The following KCNJ6 variants were observed in gnomAD, a reference collection of about 807,000 sequenced individuals.
KCNJ6 encodes the protein G protein-activated inward rectifier potassium channel 2.
KCNJ6 carries 9 observed loss-of-function variants against 34.2 expected under a neutral mutation model. The observed-to-expected ratio is 0.26, with a 90% CI of 0.16 to 0.46. The LOEUF (loss-of-function observed/expected upper bound fraction) is 0.46. Ranked by LOEUF, KCNJ6 falls within the 20% of genes least tolerant of loss-of-function variation. KCNJ6 has a pLI of 1.00. For missense variants in KCNJ6, 236 were observed against 531.3 expected, an observed-to-expected ratio of 0.44 and a Z score of 5.46; for synonymous variants, 196 against 207.1, an observed-to-expected ratio of 0.95 and a Z score of 0.46.
Position 37,691,737 on chromosome 21 carries a change from C to T in KCNJ6, c.946+22474G>A, listed in dbSNP as rs891495740. 2.6e-5 allele frequency among the ~76,000 whole-genome samples: 4 copies of T among 152,102 alleles called. No homozygotes were observed. The South Asian group carries it at 6.2e-4, about 24-fold the overall frequency. ...TAGTGAGACATGGTTGGAGGCCACT[C>T]GGCAGGGGTGGAATCTGTGTGAGTA... On this transcript the variant is annotated intron_variant, in intron 3 of 3. Coordinates refer to ENST00000609713, the MANE Select transcript of KCNJ6 (RefSeq NM_002240.5).
intron 3 of KCNJ6, among the ~76,000 whole-genome samples, chr21:37,678,066 T>C (rs994806215): frequency 2.6e-5 from 4 of 152,016 alleles, no homozygotes; most frequent in Admixed American, 2.0e-4. Context: ...TGCATTTGAG[T>C]GTTATGCACA....
At chr21:37,841,057 T>C (rs2055478273) in intron 1 of KCNJ6, among the ~76,000 whole-genome samples, 1 of 152,170 alleles carries the variant, frequency 6.6e-6, no homozygotes, top group South Asian at 2.1e-4. Flanking sequence ...TTTCCCCCCA[T>C]TGAAGCTTTC....
intron 3 of KCNJ6, among the ~76,000 whole-genome samples, chr21:37,662,756 C>A (rs2054495680): frequency 6.6e-6 from 1 of 152,202 alleles, no homozygotes; most frequent in Non-Finnish European, 1.5e-5. Flanking sequence ...TTCTCCACAT[C>A]CTCGCCAGCA....
chr21:37,910,881 A>T (rs2055864025), intron 1 of KCNJ6, among the ~76,000 whole-genome samples: 2 of 152,238 alleles, frequency 1.3e-5, no homozygotes, highest in South Asian at 4.1e-4. Flanking sequence ...TCAGATCTGA[A>T]TGACCATTTG....
chr21:37,874,329 C>T (rs1225765934), intron 1 of KCNJ6, among the ~76,000 whole-genome samples: 1 of 152,180 alleles, frequency 6.6e-6, no homozygotes, highest in Non-Finnish European at 1.5e-5. Flanking sequence ...TTGGGATGCC[C>T]CAGGGCTCAC....
chr21:37,843,331 C>T (rs1373396324), intron 1 of KCNJ6, among the ~76,000 whole-genome samples: 1 of 152,156 alleles, frequency 6.6e-6, no homozygotes, highest in East Asian at 1.9e-4. Flanking sequence ...ATGGAATCCT[C>T]TGACATTAAG....
Position 37,649,535 on chromosome 21 carries a change from G to A in KCNJ6, c.947-24051C>T, listed in dbSNP as rs1026615225. Among the ~76,000 whole-genome samples, 225 of 152,314 alleles carry A rather than the reference G, an allele frequency of 1.5e-3. 1 individual carries two copies. The highest frequency in any genetic ancestry group is 5.3e-3 in the African/African-American group (219 of 41,558). On this transcript the variant is annotated intron_variant, in intron 3 of 3. Transcript: ENST00000609713. ...TTTCTGTAGTGGGAGGCTGTGGGCA[G>A]GAGAGTTTGTTTGCAAGAGGCTGTC...
intron 1 of KCNJ6, among the ~76,000 whole-genome samples, chr21:37,844,595 T>C (rs1379238654): frequency 1.3e-5 from 2 of 151,956 alleles, no homozygotes; most frequent in Non-Finnish European, 2.9e-5. Context: ...GGTTCTTTCT[T>C]CTCCACTCAT....
chr21:37,862,140 T>C (rs2055597767), intron 1 of KCNJ6, among the ~76,000 whole-genome samples: 1 of 152,214 alleles, frequency 6.6e-6, no homozygotes, highest in Admixed American at 6.5e-5. Context: ...TCGCCAGTGG[T>C]TGGAATTCTT....
intron 2 of KCNJ6, among the ~76,000 whole-genome samples, chr21:37,721,966 G>T (rs535827563): frequency 3.3e-5 from 5 of 150,486 alleles, no homozygotes; most frequent in Non-Finnish European, 5.9e-5. Flanking sequence ...GCAAGGGAAA[G>T]AAATAAAGTA....
At chr21:37,819,273 T>C (rs1355841147) in intron 2 of KCNJ6, among the ~76,000 whole-genome samples, 1 of 152,192 alleles carries the variant, frequency 6.6e-6, no homozygotes, top group Non-Finnish European at 1.5e-5. Context: ...GATCAGATCA[T>C]GTGAGACAGA....
intron 1 of KCNJ6, among the ~76,000 whole-genome samples, chr21:37,868,712 G>A (rs2055635319): frequency 1.3e-5 from 2 of 152,232 alleles, no homozygotes; most frequent in Non-Finnish European, 1.5e-5. Flanking sequence ...GACAATCCCT[G>A]TGTAAATTCT....
intron 2 of KCNJ6, among the ~76,000 whole-genome samples, chr21:37,815,005 A>G (rs1006257769): frequency 1.3e-5 from 2 of 152,050 alleles, no homozygotes; most frequent in African/African-American, 4.8e-5. Flanking sequence ...AAGTGAAATA[A>G]GCCAGGCACA....
intron 2 of KCNJ6, among the ~76,000 whole-genome samples, chr21:37,796,330 A>G (rs1277526575): frequency 6.6e-6 from 1 of 151,992 alleles, no homozygotes; most frequent in African/African-American, 2.4e-5. Flanking sequence ...AAAATAAATG[A>G]CTCCATTAAA....
intron 1 of KCNJ6, among the ~76,000 whole-genome samples, chr21:37,910,964 T>G (rs1003765328): frequency 6.6e-6 from 1 of 152,186 alleles, no homozygotes; most frequent in African/African-American, 2.4e-5. Flanking sequence ...AACAAATAAA[T>G]AAATGAATAT....
chr21:37,682,629 C>G (rs2054595761), intron 3 of KCNJ6, among the ~76,000 whole-genome samples: 1 of 152,052 alleles, frequency 6.6e-6, no homozygotes, highest in Non-Finnish European at 1.5e-5. Context: ...ATCTTGAGAC[C>G]CCTAACCTAA....
chr21:37,850,749 T>C (rs544937433), intron 1 of KCNJ6, among the ~76,000 whole-genome samples: 23 of 152,300 alleles, frequency 1.5e-4, no homozygotes, highest in Admixed American at 1.4e-3. Flanking sequence ...GTTTGTCTAA[T>C]GATGCAATGT....
intron 2 of KCNJ6, among the ~76,000 whole-genome samples, chr21:37,831,558 G>T (rs1201488379): frequency 1.3e-5 from 2 of 152,178 alleles, no homozygotes; most frequent in African/African-American, 4.8e-5. Flanking sequence ...GTGAAGGAAA[G>T]CTCTTGGAGC....
chr21:37,635,743 C>T (rs1225262072), intron 3 of KCNJ6, among the ~76,000 whole-genome samples: 1 of 152,164 alleles, frequency 6.6e-6, no homozygotes, highest in African/African-American at 2.4e-5. Context: ...TCACGAGTTT[C>T]CAAGCTCAAT....
Sources: gnomAD v4.1 joint callset for allele counts (sites outside exome capture counted in the v4.1 genomes callset) on GRCh38, gnomAD v4.1.1 for gene constraint, MANE v1.5 for transcripts, NCBI Gene and HGNC (gene_info 2026-07-23, HGNC 2026-07-21) for gene names.